The following HSPA12A variants were observed in gnomAD, a reference collection of about 807,000 sequenced individuals.
HSPA12A encodes heat shock protein family A (Hsp70) member 12A.
In HSPA12A, 28 loss-of-function variants were observed where a neutral mutation model predicts 69.2. The ratio of observed to expected loss-of-function variants is 0.40; its 90% CI spans 0.30 to 0.55. The LOEUF (loss-of-function observed/expected upper bound fraction) is 0.55. HSPA12A is among the 20% of genes least tolerant of loss of function. The pLI, the probability that HSPA12A is intolerant of heterozygous loss-of-function variation, is 0.38. For synonymous variants in HSPA12A, 345 were observed against 370.5 expected (o/e 0.93, Z 0.79); for missense variants, 686 against 900.7 (o/e 0.76, Z 3.05).
chr10:116,792,499 G>T (rs1336248581), intron 2 of HSPA12A, among the ~76,000 whole-genome samples: 1 of 151,822 alleles, frequency 6.6e-6, no homozygotes, highest in Non-Finnish European at 1.5e-5. Flanking sequence ...TAAATCAGCT[G>T]GGCGCAGTAG....
At chr10:116,762,724 C>T (rs1843998192) in intron 2 of HSPA12A, among the ~76,000 whole-genome samples, 1 of 152,226 alleles carries the variant, frequency 6.6e-6, no homozygotes, top group East Asian at 1.9e-4. Context: ...GCTGGGACTA[C>T]AGGCACATGC....
intron 2 of HSPA12A, among the ~76,000 whole-genome samples, chr10:116,763,959 G>A (rs1323178457): frequency 3.3e-5 from 5 of 152,022 alleles, no homozygotes; most frequent in African/African-American, 7.2e-5. Flanking sequence ...GGGGGCGGTC[G>A]GCAATGAGCC....
At chr10:116,776,143 C>T (rs1421880482) in intron 2 of HSPA12A, among the ~76,000 whole-genome samples, 1 of 152,206 alleles carries the variant, frequency 6.6e-6, no homozygotes, top group Non-Finnish European at 1.5e-5. Flanking sequence ...TTTTGGGTGA[C>T]CACCTCACCC....
In HSPA12A at chr10:116,671,843, C is replaced by G. The variant is rs1226447844; in HGVS notation, c.*2938G>C. Reference sequence around the variant, plus strand: ...AGACAACAGGCCTTGTAGGTATTTTCTAAGGTTAGAAAAATGTGTTCAAGT... The same window carrying G: ...AGACAACAGGCCTTGTAGGTATTTTGTAAGGTTAGAAAAATGTGTTCAAGT... On this transcript the variant is annotated 3_prime_UTR_variant, in exon 12 of 12. Transcript: ENST00000369209. 6.6e-6 allele frequency: 1 copy of G among 152,560 alleles called. No individual in the cohort carries two copies. The highest frequency in any genetic ancestry group is 2.4e-5 in the African/African-American group (1 of 41,446). The allele number at this position is 152,560 out of a possible 1,614,324, so 9.5% of individuals were successfully genotyped here.
Position 116,675,511 on chromosome 10 carries a change from G to T in HSPA12A, c.1391-93C>A. On this transcript the variant is annotated intron_variant, in intron 11 of 11. Coordinates refer to ENST00000369209, the MANE Select transcript of HSPA12A (RefSeq NM_025015.3). The surrounding 1 kb of genome is among the most constrained non-coding windows in gnomAD (Gnocchi z 5.2). The stretch of plus-strand genomic sequence containing the variant: ...CCTGCATCTGTGGGGAACGGATAAA[G>T]CCACTTGGGCCACTGGGAGGGCAGG... 7.7e-7 allele frequency: 1 copy of T among 1,290,688 alleles called. No homozygotes were observed. The highest frequency in any genetic ancestry group is 1.0e-6 in the Non-Finnish European group (1 of 953,688). The allele number at this position is 1,290,688 out of a possible 1,614,324, so 80.0% of individuals were successfully genotyped here. A position where few individuals can be genotyped will look rare whatever the true frequency, so the allele number is the denominator to read the frequency against.
intron 6 of HSPA12A, among the ~76,000 whole-genome samples, chr10:116,691,597 G>A (rs1849740625): frequency 6.6e-6 from 1 of 152,176 alleles, no homozygotes; most frequent in African/African-American, 2.4e-5. Context: ...ATACGCCCAG[G>A]GGCTTAAGTG....
chr10:116,765,804 C>CCAGT (rs782442876), intron 2 of HSPA12A, among the ~76,000 whole-genome samples: 9 of 152,168 alleles, frequency 5.9e-5, no homozygotes, highest in Non-Finnish European at 7.3e-5. Flanking sequence ...AGTTCTTCAC[C>CCAGT]CAGTGTTCCC....
intron 1 of HSPA12A, among the ~76,000 whole-genome samples, chr10:116,844,179 T>A (rs889696829): frequency 2.0e-5 from 3 of 152,204 alleles, no homozygotes; most frequent in Non-Finnish European, 4.4e-5. Flanking sequence ...CCATCTCCCC[T>A]ATTTATTAAC....
chr10:116,832,274 T>A (rs1016178380), intron 2 of HSPA12A: 1 of 152,210 alleles, frequency 6.6e-6, no homozygotes, highest in African/African-American at 2.4e-5. Flanking sequence ...TTCAAGCGAT[T>A]CTCCTGCCTC....
chr10:116,731,703 T>C (rs1254255516), intron 1 of HSPA12A, among the ~76,000 whole-genome samples: 2 of 152,210 alleles, frequency 1.3e-5, no homozygotes, highest in Non-Finnish European at 2.9e-5. Context: ...TTCAGACACC[T>C]GTACTGTTAA....
At chr10:116,709,655 C>A (rs1476276850) in intron 1 of HSPA12A, among the ~76,000 whole-genome samples, 3 of 151,996 alleles carry the variant, frequency 2.0e-5, no homozygotes, top group Non-Finnish European at 4.4e-5. Flanking sequence ...GGCAAATTCA[C>A]AGAGACAGAA....
In HSPA12A at chr10:116,675,232, G is replaced by A. The variant is rs1554877456; in HGVS notation, c.1577C>T (p.Ala526Val). The A allele has an allele frequency of 6.2e-6, 10 of 1,613,574 alleles. No homozygotes were observed. Among genetic ancestry groups the A allele is most frequent in the African/African-American group, 2.7e-5 (2 of 74,936 alleles). Reference protein sequence around the residue: ...KGAVLFGLDPAVIKVRRSPLT... With the variant: ...KGAVLFGLDPVVIKVRRSPLT... Reference sequence around the variant, plus strand: ...CGGCGACCGGCGCACCTTGATGACCGCGGGGTCCAGGCCAAAGAGGACGGC... The same window carrying A: ...CGGCGACCGGCGCACCTTGATGACCACGGGGTCCAGGCCAAAGAGGACGGC... Residue 526 changes from alanine to valine, a missense_variant, in exon 12 of 12, where the codon GCG becomes GTG. By Grantham distance (64) the Ala-to-Val change is moderately conservative (BLOSUM62 0). Transcript: ENST00000369209. The surrounding 1 kb of genome is among the most constrained non-coding windows in gnomAD (Gnocchi z 5.2).
intron 2 of HSPA12A, among the ~76,000 whole-genome samples, chr10:116,776,585 A>G (rs1488743497): frequency 1.3e-5 from 2 of 152,182 alleles, no homozygotes; most frequent in Non-Finnish European, 2.9e-5. Flanking sequence ...TGGAAAGCCT[A>G]ATTTGATCGT....
chr10:116,699,619 A>G (rs1850021855), intron 4 of HSPA12A, among the ~76,000 whole-genome samples: 1 of 152,176 alleles, frequency 6.6e-6, no homozygotes, highest in African/African-American at 2.4e-5. Context: ...ATCCTGACCT[A>G]TCTGCACTTG....
At position 116,826,739 on chromosome 10, in the gene HSPA12A, C is replaced by T. The variant is rs546600624; in HGVS notation, c.91+8196G>A. Reference sequence around the variant, plus strand: ...TCTGGAGTTGGGCTATGTAGCATTTCCTTATATGGACAGAAAATGCTTGAA... The same window carrying T: ...TCTGGAGTTGGGCTATGTAGCATTTTCTTATATGGACAGAAAATGCTTGAA... On this transcript the variant is annotated intron_variant, in intron 2 of 12. Coordinates refer to the HSPA12A transcript ENST00000635765. 2.6e-5 allele frequency among the ~76,000 whole-genome samples: 4 copies of T among 152,302 alleles called. No homozygotes were observed. The East Asian group carries it at 7.7e-4, about 29-fold the overall frequency.
chr10:116,771,650 C>G (rs577517745), intron 2 of HSPA12A, among the ~76,000 whole-genome samples: 1 of 152,362 alleles, frequency 6.6e-6, no homozygotes, highest in East Asian at 1.9e-4. Context: ...TGCCTGCCAG[C>G]ATGTTTACCA....
intron 1 of HSPA12A, among the ~76,000 whole-genome samples, chr10:116,835,870 G>T (rs1424441999): frequency 1.3e-5 from 2 of 152,188 alleles, no homozygotes; most frequent in Non-Finnish European, 2.9e-5. Flanking sequence ...AGCCGGCGGT[G>T]TGTGGTGGTG....
chr10:116,748,165 C>T (rs1554887989), intron 2 of HSPA12A, among the ~76,000 whole-genome samples: 1 of 152,172 alleles, frequency 6.6e-6, no homozygotes, highest in East Asian at 1.9e-4. Context: ...CTGCAAAATA[C>T]AAAGTGGAAG....
At position 116,849,607 on chromosome 10, in the gene HSPA12A, G is replaced by C. The variant is rs555277881; in HGVS notation, c.-39C>G. ...GGCGGCCGCAGCTGTGGGACCACTA[G>C]GGAGCTGCAGAAGCTGAAGCAGCAG... On this transcript the variant is annotated 5_prime_UTR_variant, in exon 1 of 13. Coordinates refer to the HSPA12A transcript ENST00000635765. 4.7e-5 allele frequency: 73 copies of C among 1,549,910 alleles called. 1 individual carries two copies. Among genetic ancestry groups the C allele is most frequent in the Middle Eastern group, 3.4e-4 (2 of 5,970 alleles).
Sources: gnomAD v4.1 joint callset for allele counts (sites outside exome capture counted in the v4.1 genomes callset) on GRCh38, gnomAD v4.1.1 for gene constraint, Gnocchi (gnomAD v3.1) non-coding constraint, MANE v1.5 for transcripts, NCBI Gene and HGNC (gene_info 2026-07-23, HGNC 2026-07-21) for gene names.